The following EMC2 variants were observed in gnomAD, a reference collection of about 807,000 sequenced individuals.
EMC2 encodes the protein ER membrane protein complex subunit 2.
Under a neutral mutation model 51.6 loss-of-function variants are expected in EMC2, and 37 were observed. That is an observed-to-expected ratio of 0.72 (90% CI 0.55 to 0.94). The LOEUF (loss-of-function observed/expected upper bound fraction) is 0.94. EMC2 is among the 40% of genes least tolerant of loss of function. The pLI is 0.00. For missense variants in EMC2, 359 were observed against 350.9 expected, an observed-to-expected ratio of 1.02 and a Z score of -0.18; for synonymous variants, 131 against 112.4, an observed-to-expected ratio of 1.17 and a Z score of -1.04.
chr8:108,457,008 A>G (rs185915373), intron 5 of EMC2, among the ~76,000 whole-genome samples: 4 of 152,354 alleles, frequency 2.6e-5, no homozygotes, highest in Admixed American at 2.0e-4. Flanking sequence ...AAAAATATAC[A>G]TTAAAAAATC....
At chr8:108,453,896 C>T (rs186680209) in intron 4 of EMC2, among the ~76,000 whole-genome samples, 72 of 152,184 alleles carry the variant, frequency 4.7e-4, no homozygotes, top group Admixed American at 7.9e-4. Context: ...TTTTGATGTT[C>T]TGTTGTTAGT....
At position 108,482,828 on chromosome 8, in the gene EMC2, C is replaced by T. The variant is rs189917679; in HGVS notation, c.808-3684C>T. 4.1e-3 allele frequency among the ~76,000 whole-genome samples: 630 copies of T among 152,216 alleles called. 1 individual carries two copies. Among genetic ancestry groups the T allele is most frequent in the Middle Eastern group, 0.014 (4 of 292 alleles). On this transcript the variant is annotated intron_variant, in intron 10 of 10. Transcript: ENST00000220853. ...CAAACTCCTGGCCTCAAGTAATCCT[C>T]CTGTCTCAGCCTCCCAATGGAGTGC...
Position 108,487,812 on chromosome 8 carries a change from C to G in EMC2, c.*1214C>G, listed in dbSNP as rs2130429014. The stretch of plus-strand genomic sequence containing the variant: ...TCTGCTAATAAATTATTCTCCATAT[C>G]TAGTCTAATCTTTCATATTACAGTC... On this transcript the variant is annotated 3_prime_UTR_variant, in exon 11 of 11. Transcript: ENST00000220853. 6.6e-6 allele frequency among the ~76,000 whole-genome samples: 1 copy of G among 152,194 alleles called. No individual in the cohort carries two copies. The highest frequency in any genetic ancestry group is 1.9e-4 in the East Asian group (1 of 5,176).
rs915419093 is a variant in EMC2 at position 108,461,801 on chromosome 8, G to A, written c.363+5871G>A. On this transcript the variant is annotated intron_variant, in intron 5 of 10. Transcript: ENST00000220853. ...AAAATAAGTCTGTTCCTCTATCCCT[G>A]AGCTCAGGTCCTCCTTCTCTTAGGG... Among the ~76,000 whole-genome samples the A allele has an allele frequency of 4.1e-4, 62 of 151,794 alleles. 1 individual carries two copies. Among genetic ancestry groups the A allele is most frequent in the African/African-American group, 1.5e-3 (61 of 41,320 alleles).
At chr8:108,444,343 G>A (rs1041551287) in intron 1 of EMC2, among the ~76,000 whole-genome samples, 2 of 152,112 alleles carry the variant, frequency 1.3e-5, no homozygotes, top group African/African-American at 4.8e-5. Flanking sequence ...AATTAACTCT[G>A]GGCTACGTAA....
chr8:108,465,525 T>A (rs1819445849), intron 5 of EMC2, among the ~76,000 whole-genome samples: 1 of 152,174 alleles, frequency 6.6e-6, no homozygotes, highest in South Asian at 2.1e-4. Context: ...TAGAATAGGA[T>A]CTATGTTGTT....
intron 5 of EMC2, among the ~76,000 whole-genome samples, chr8:108,459,832 T>G (rs1819269801): frequency 6.7e-6 from 1 of 149,688 alleles, no homozygotes; most frequent in African/African-American, 2.4e-5. Flanking sequence ...AAGGAAAAAT[T>G]TTGACAGTTG....
At position 108,470,320 on chromosome 8, in the gene EMC2, G is replaced by A. The variant is rs1044063973; in HGVS notation, c.509+199G>A. Among the ~76,000 whole-genome samples the A allele has an allele frequency of 2.6e-5, 4 of 152,078 alleles. No individual in the cohort carries two copies. The East Asian group carries it at 7.7e-4, about 29-fold the overall frequency. ...ATAATAAGTGAATAGCTTTAACTAG[G>A]TCATTTGTGTTTTGCCAAATTGTTT... is the stretch of plus-strand genomic sequence containing the variant. On this transcript the variant is annotated intron_variant, in intron 7 of 10. Coordinates refer to ENST00000220853, the MANE Select transcript of EMC2 (RefSeq NM_014673.5).
chr8:108,482,485 C>CA (rs1811060749), intron 10 of EMC2, among the ~76,000 whole-genome samples: 1 of 152,144 alleles, frequency 6.6e-6, no homozygotes, highest in South Asian at 2.1e-4. Flanking sequence ...TTTTGCTACT[C>CA]ACGGTCATAA....
intron 4 of EMC2, among the ~76,000 whole-genome samples, chr8:108,453,362 C>T (rs1430455433): frequency 6.6e-6 from 1 of 151,836 alleles, no homozygotes; most frequent in Non-Finnish European, 1.5e-5. Flanking sequence ...TAGTCTTTAC[C>T]CATTTAAAAA....
intron 5 of EMC2, among the ~76,000 whole-genome samples, chr8:108,458,991 A>G (rs1208192716): frequency 2.0e-5 from 3 of 152,122 alleles, no homozygotes; most frequent in Non-Finnish European, 4.4e-5. Flanking sequence ...TCTACCAGAT[A>G]CCCTAAATCA....
rs1811143003 is a variant in EMC2 at position 108,486,543 on chromosome 8, A to G, written c.839A>G (p.Tyr280Cys). 1.3e-6 allele frequency: 2 copies of G among 1,597,686 alleles called. No homozygotes were observed. The highest frequency in any genetic ancestry group is 2.7e-5 in the African/African-American group (2 of 73,328). The part of the protein sequence containing the change: ...FAGRSKKETK[Y>C]SLKAVEDMLE... ...GGTCGAAGTAAGAAGGAAACCAAAT[A>G]TTCTCTTAAGGCTGTCGAAGACATG... The change falls in exon 11 of 11, where the codon TAT becomes TGT. Residue 280 changes from tyrosine to cysteine, a missense_variant. By Grantham distance (194) the Tyr-to-Cys change is radical. Coordinates refer to ENST00000220853, the MANE Select transcript of EMC2 (RefSeq NM_014673.5).
chr8:108,481,067 G>T (rs1221097225), intron 10 of EMC2, among the ~76,000 whole-genome samples: 1 of 152,016 alleles, frequency 6.6e-6, no homozygotes, highest in Non-Finnish European at 1.5e-5. Flanking sequence ...TTAATCTTTT[G>T]TTGGTCATGC....
chr8:108,453,402 A>T (rs923566064), intron 4 of EMC2, among the ~76,000 whole-genome samples: 2 of 151,964 alleles, frequency 1.3e-5, no homozygotes, highest in Non-Finnish European at 2.9e-5. Flanking sequence ...TTTACTGCTG[A>T]TTTGTAGGAG....
At chr8:108,466,334 C>T (rs1819464011) in intron 5 of EMC2, among the ~76,000 whole-genome samples, 1 of 151,510 alleles carries the variant, frequency 6.6e-6, no homozygotes, top group South Asian at 2.1e-4. Context: ...CGAGACTGTA[C>T]TTGCTGCTGT....
chr8:108,471,933 A>T (rs1810865412), intron 7 of EMC2, among the ~76,000 whole-genome samples: 1 of 151,940 alleles, frequency 6.6e-6, no homozygotes, highest in African/African-American at 2.4e-5. Flanking sequence ...ACAACACTGG[A>T]TACTATGATT....
intron 1 of EMC2, among the ~76,000 whole-genome samples, chr8:108,449,041 GTTTA>G (rs963056638): frequency 2.0e-5 from 3 of 152,282 alleles, no homozygotes; most frequent in African/African-American, 7.2e-5. Flanking sequence ...ATCCTAGTGT[GTTTA>G]TTTAATTCCC....
chr8:108,477,858 A>G (rs889823848), intron 9 of EMC2, among the ~76,000 whole-genome samples: 7 of 152,060 alleles, frequency 4.6e-5, no homozygotes, highest in Non-Finnish European at 8.8e-5. Flanking sequence ...TTTTAAATCA[A>G]TAAATCCGCA....
intron 10 of EMC2, 24 bp from the exon 11 acceptor site, chr8:108,486,488 C>CTTTT (rs34429579): frequency 0.026 from 33,625 of 1,306,024 alleles, 435 homozygotes; most frequent in South Asian, 0.046. Flanking sequence ...CCTAATTGAG[C>CTTTT]TTTTTTTTTT....
Sources: gnomAD v4.1 joint callset for allele counts (sites outside exome capture counted in the v4.1 genomes callset) on GRCh38, gnomAD v4.1.1 for gene constraint, MANE v1.5 for transcripts, NCBI Gene and HGNC (gene_info 2026-07-23, HGNC 2026-07-21) for gene names.